ATP10A: variants seen among roughly 807,000 people sequenced by gnomAD.
ATP10A encodes the protein phospholipid-transporting ATPase VA.
ATP10A carries 111 observed loss-of-function variants against 147.8 expected under a neutral mutation model. The ratio of observed to expected loss-of-function variants is 0.75; its 90% CI spans 0.64 to 0.88. The LOEUF (loss-of-function observed/expected upper bound fraction) is 0.88, where lower values mean the gene tolerates loss of function less well. Ranked by LOEUF, ATP10A falls within the 40% of genes least tolerant of loss-of-function variation. ATP10A has a pLI of 0.00. For missense variants in ATP10A, 1,927 were observed against 1,959.0 expected, an observed-to-expected ratio of 0.98 and a Z score of 0.31; for synonymous variants, 875 against 841.6, an observed-to-expected ratio of 1.04 and a Z score of -0.69.
downstream of ATP10A, among the ~76,000 whole-genome samples, chr15:25,672,368 T>G (rs1899062153): frequency 6.6e-6 from 1 of 152,216 alleles, no homozygotes; most frequent in Non-Finnish European, 1.5e-5. Flanking sequence ...GAGTCCATAT[T>G]TTTGTTTATT....
intron 14 of ATP10A, 87 bp from the exon 15 acceptor site, chr15:25,691,878 C>G (rs1048857331): frequency 1.9e-5 from 29 of 1,520,258 alleles, no homozygotes; most frequent in Non-Finnish European, 2.4e-5. Context: ...TGGGAGTCCC[C>G]GCTGAACTCA....
Position 25,679,805 on chromosome 15 carries a change from T to C in ATP10A, c.4036A>G (p.Thr1346Ala), listed in dbSNP as rs1596670074. 6.2e-7 allele frequency: 1 copy of C among 1,612,236 alleles called. No individual in the cohort carries two copies. The highest frequency in any genetic ancestry group is 1.1e-5 in the South Asian group (1 of 91,048). ...TEHSSGRTVKTSVPLSQPSWH... is the reference protein window; with the variant it reads ...TEHSSGRTVKASVPLSQPSWH... The stretch of plus-strand genomic sequence containing the variant: ...GAAGGCTGGGACAGGGGCACAGAGG[T>C]CTTGACTGTCCTCCCTGATGAGTGC... The change falls in exon 21 of 21, where the codon ACC becomes GCC. Residue 1346 changes from threonine (T) to alanine (A), a missense_variant. Physicochemically the swap from Thr to Ala is moderately conservative, Grantham distance 58. Coordinates refer to ENST00000555815, the MANE Select transcript of ATP10A (RefSeq NM_024490.4).
In ATP10A at chr15:25,763,381, C is replaced by G. The variant is rs144919590; in HGVS notation, c.654+17638G>C. On this transcript the variant is annotated intron_variant, in intron 2 of 20. Transcript: ENST00000555815. ...GAGTCCGACTCATCCCAAACGACAGCAGATGGCCAGGCTCCTCCCCCTGCA... is the reference window on the plus strand; with the variant it reads ...GAGTCCGACTCATCCCAAACGACAGGAGATGGCCAGGCTCCTCCCCCTGCA... 8.2e-4 allele frequency among the ~76,000 whole-genome samples: 125 copies of G among 152,270 alleles called. 1 individual carries two copies. In the East Asian group the frequency reaches 0.022, roughly 27 times the overall value.
At chr15:25,799,976 C>T (rs1596911705) in intron 1 of ATP10A, among the ~76,000 whole-genome samples, 1 of 152,190 alleles carries the variant, frequency 6.6e-6, no homozygotes, top group African/African-American at 2.4e-5. Context: ...TTGATGGATA[C>T]CTCCAACTCC....
chr15:25,792,052 T>C (rs8035375), intron 1 of ATP10A, among the ~76,000 whole-genome samples: 20,729 of 152,186 alleles, frequency 0.14, 1,510 homozygotes, highest in Middle Eastern at 0.2. Context: ...CATTTTCCTC[T>C]GTTACGACCT....
intron 2 of ATP10A, among the ~76,000 whole-genome samples, chr15:25,757,335 CT>C (rs1486094134): frequency 6.6e-6 from 1 of 151,880 alleles, no homozygotes; most frequent in Admixed American, 6.6e-5. Flanking sequence ...TATTTCCTAG[CT>C]TTTCACAAAA....
chr15:25,767,793 A>G (rs1358838792), intron 2 of ATP10A, among the ~76,000 whole-genome samples: 2 of 152,246 alleles, frequency 1.3e-5, no homozygotes, highest in Non-Finnish European at 2.9e-5. Flanking sequence ...CAGCCACTGC[A>G]GTGAGCAAGG....
intron 1 of ATP10A, among the ~76,000 whole-genome samples, chr15:25,806,513 G>T (rs564547088): frequency 3.3e-5 from 5 of 151,708 alleles, no homozygotes; most frequent in Non-Finnish European, 2.9e-5. Flanking sequence ...GGGGTTTCAC[G>T]GTGTTAGCCA....
intron 7 of ATP10A, 48 bp from the exon 8 acceptor site, chr15:25,718,447 G>C: frequency 6.5e-7 from 1 of 1,530,458 alleles, no homozygotes; most frequent in Non-Finnish European, 8.8e-7. Flanking sequence ...AAGGCTGGGC[G>C]GAGCAGAAAG....
intron 1 of ATP10A, among the ~76,000 whole-genome samples, chr15:25,824,612 G>C (rs1892040199): frequency 7.0e-6 from 1 of 142,450 alleles, no homozygotes; most frequent in Admixed American, 7.1e-5. Flanking sequence ...CTATGTTTAG[G>C]AAGTCAGTGA....
At chr15:25,726,726 A>C (rs1902579162) in intron 4 of ATP10A, among the ~76,000 whole-genome samples, 1 of 149,802 alleles carries the variant, frequency 6.7e-6, no homozygotes, top group African/African-American at 2.4e-5. Flanking sequence ...TACAGGCGTG[A>C]GTCACCACAT....
At chr15:25,713,234 C>T (rs1270301858) in intron 10 of ATP10A, among the ~76,000 whole-genome samples, 7 of 152,132 alleles carry the variant, frequency 4.6e-5, no homozygotes, top group Admixed American at 6.5e-5. Flanking sequence ...TCCCAAGTGC[C>T]AGAACAGAGG....
chr15:25,688,322 T>A lies in ATP10A; in HGVS notation c.3166-494A>T, dbSNP rs137975371. Among the ~76,000 whole-genome samples, 12 of 152,282 alleles carry A rather than the reference T, an allele frequency of 7.9e-5. No homozygotes were observed. The East Asian group carries it at 2.3e-3, about 30-fold the overall frequency. On this transcript the variant is annotated intron_variant, in intron 15 of 20. Coordinates refer to ENST00000555815, the MANE Select transcript of ATP10A (RefSeq NM_024490.4). Reference sequence around the variant, plus strand: ...CTGTTCCCCCCAGAAGCCTTGGTGATGGGCAAAGCCAGGCCCACAGCTCCA... The same window carrying A: ...CTGTTCCCCCCAGAAGCCTTGGTGAAGGGCAAAGCCAGGCCCACAGCTCCA...
At position 25,862,892 on chromosome 15, in the gene ATP10A, A is replaced by G; in HGVS notation, c.205T>C (p.Tyr69His). ...TTGGGCAGGAAGGACAGCAGCGTGT[A>G]CTTGGTAGTCTTGAGCCGGTTGTCG... ...LADNRLKTTK[Y>H]TLLSFLPKNL... Residue 69 changes from tyrosine to histidine, a missense_variant, in exon 1 of 21, where the codon TAC becomes CAC. Transcript: ENST00000555815. 1.2e-6 allele frequency: 2 copies of G among 1,611,868 alleles called. No individual in the cohort carries two copies. The highest frequency in any genetic ancestry group is 1.7e-6 in the Non-Finnish European group (2 of 1,179,338).
Position 25,680,208 on chromosome 15 carries a change from T to C in ATP10A, c.3779A>G (p.Asn1260Ser), listed in dbSNP as rs1461151128. ...ASCATCYPPS[N>S]PYWTMQALLG... ...TAAGGCTTGCATAGTCCAGTAAGGG[T>C]TGGACGGAGGATAGCACGTGGCACA... Residue 1260 changes from asparagine to serine, a missense_variant, in exon 20 of 21, where the codon AAC becomes AGC. Asn to Ser is a conservative substitution (Grantham distance 46). Coordinates refer to ENST00000555815, the MANE Select transcript of ATP10A (RefSeq NM_024490.4). 4 of 1,613,870 alleles carry C rather than the reference T, an allele frequency of 2.5e-6. No individual in the cohort carries two copies. In the East Asian group the frequency reaches 6.7e-5, roughly 27 times the overall value.
Position 25,690,119 on chromosome 15 carries a change from A to G in ATP10A, c.3165+1596T>C, listed in dbSNP as rs570310778. 2.0e-4 allele frequency among the ~76,000 whole-genome samples: 30 copies of G among 152,272 alleles called. No homozygotes were observed. The South Asian group carries it at 6.0e-3, about 31-fold the overall frequency. On this transcript the variant is annotated intron_variant, in intron 15 of 20. Coordinates refer to ENST00000555815, the MANE Select transcript of ATP10A (RefSeq NM_024490.4). ...CTCAAAACTTAACTACTAATAGCCT[A>G]CGGTTGATGGGAAGCCTTACTGATC...
At chr15:25,767,313 G>C (rs1420076162) in intron 2 of ATP10A, among the ~76,000 whole-genome samples, 1 of 152,200 alleles carries the variant, frequency 6.6e-6, no homozygotes, top group Non-Finnish European at 1.5e-5. Flanking sequence ...TGCCATGCAA[G>C]GCTGCTGTCA....
At chr15:25,784,958 C>A (rs1408581871) in intron 1 of ATP10A, among the ~76,000 whole-genome samples, 9 of 151,652 alleles carry the variant, frequency 5.9e-5, no homozygotes, top group African/African-American at 1.7e-4. Context: ...GCCCTGCAGT[C>A]CATGGGAATC....
chr15:25,815,253 G>C (rs572892144), intron 1 of ATP10A, among the ~76,000 whole-genome samples: 5 of 152,292 alleles, frequency 3.3e-5, no homozygotes, highest in Admixed American at 3.3e-4. Flanking sequence ...CTGATAAAGG[G>C]AGATCATCAG....
Sources: allele counts gnomAD v4.1 joint callset (sites outside exome capture counted in the v4.1 genomes callset), GRCh38; gene constraint gnomAD v4.1.1; transcripts MANE v1.5; gene names NCBI Gene and HGNC (gene_info 2026-07-23, HGNC 2026-07-21).